Variants in MAGI1 observed in about 807,000 individuals in gnomAD.
MAGI1 encodes membrane-associated guanylate kinase, WW and PDZ domain-containing protein 1.
Under a neutral mutation model 139.9 loss-of-function variants are expected in MAGI1, and 58 were observed. That is an observed-to-expected ratio of 0.41 (90% confidence interval 0.34 to 0.52). The LOEUF is 0.52. MAGI1 is among the 20% of genes least tolerant of loss of function. The pLI, the probability that MAGI1 is intolerant of heterozygous loss-of-function variation, is 0.12. For synonymous variants in MAGI1, 812 were observed against 737.9 expected, an observed-to-expected ratio of 1.10 and a Z score of -1.63; for missense variants, 1,874 against 1,901.6, an observed-to-expected ratio of 0.99 and a Z score of 0.27.
intron 1 of MAGI1, among the ~76,000 whole-genome samples, chr3:65,829,837 A>T (rs2042431410): frequency 1.3e-5 from 2 of 152,190 alleles, no homozygotes; most frequent in African/African-American, 4.8e-5. Flanking sequence ...AGGAATCTCA[A>T]GTTTTTTTCC....
chr3:65,901,690 T>A (rs2061239701), intron 1 of MAGI1, among the ~76,000 whole-genome samples: 2 of 152,190 alleles, frequency 1.3e-5, no homozygotes, highest in African/African-American at 4.8e-5. Context: ...CTGTTCAAGT[T>A]ATATCGGGGC....
intron 1 of MAGI1, among the ~76,000 whole-genome samples, chr3:65,745,798 T>A (rs1227745219): frequency 3.3e-5 from 5 of 152,120 alleles, no homozygotes; most frequent in Non-Finnish European, 4.4e-5. Context: ...GGCACAATCT[T>A]GGCTCACTGC....
intron 1 of MAGI1, among the ~76,000 whole-genome samples, chr3:65,674,603 A>G (rs1184575685): frequency 1.3e-5 from 2 of 152,144 alleles, no homozygotes; most frequent in African/African-American, 4.8e-5. Context: ...CAGTTTCAAC[A>G]CTGCCTTTCC....
At chr3:65,987,231 T>C (rs971913594) in intron 1 of MAGI1, among the ~76,000 whole-genome samples, 1 of 152,150 alleles carries the variant, frequency 6.6e-6, no homozygotes, top group Non-Finnish European at 1.5e-5. Flanking sequence ...TTCACTCATG[T>C]GACTTTGGGA....
chr3:65,759,781 T>TA (rs1237825832), intron 1 of MAGI1, among the ~76,000 whole-genome samples: 2 of 152,162 alleles, frequency 1.3e-5, no homozygotes, highest in East Asian at 3.8e-4. Flanking sequence ...GTAAAACTGA[T>TA]AGAGTCTATA....
rs181055420 is a variant in MAGI1, at chr3:65,472,613, G to C, written c.758-2129C>G. Among the ~76,000 whole-genome samples, 36 of 152,302 alleles carry C rather than the reference G, an allele frequency of 2.4e-4. No homozygotes were observed. The East Asian group carries it at 6.0e-3, about 25-fold the overall frequency. Reference sequence around the variant, plus strand: ...GAATCACCAGGACCTCCAGCTCTTAGGACAGGTGTTGCCCTGCCGCCAATG... The same window carrying C: ...GAATCACCAGGACCTCCAGCTCTTACGACAGGTGTTGCCCTGCCGCCAATG... On this transcript the variant is annotated intron_variant, in intron 4 of 22. Coordinates refer to ENST00000402939, the MANE Select transcript of MAGI1 (RefSeq NM_001033057.2).
At chr3:65,509,002 G>A (rs956665595) in intron 2 of MAGI1, among the ~76,000 whole-genome samples, 1 of 152,250 alleles carries the variant, frequency 6.6e-6, no homozygotes, top group Non-Finnish European at 1.5e-5. Context: ...CTGGTGATAC[G>A]ATGCATGATC....
chr3:65,503,222 A>G (rs2077154336), intron 2 of MAGI1, among the ~76,000 whole-genome samples: 1 of 152,212 alleles, frequency 6.6e-6, no homozygotes, highest in East Asian at 1.9e-4. Context: ...AAGAGACTTG[A>G]CTGATTGTCA....
intron 1 of MAGI1, among the ~76,000 whole-genome samples, chr3:65,931,408 T>C (rs2062801821): frequency 1.3e-5 from 2 of 152,174 alleles, no homozygotes; most frequent in Non-Finnish European, 2.9e-5. Flanking sequence ...CCAAGAACCC[T>C]CTCTTGAGGT....
At chr3:65,472,956 A>T (rs1308902056) in intron 4 of MAGI1, among the ~76,000 whole-genome samples, 1 of 152,210 alleles carries the variant, frequency 6.6e-6, no homozygotes, top group Non-Finnish European at 1.5e-5. Context: ...ACACTATCCG[A>T]GTTTGAATCC....
intron 2 of MAGI1, among the ~76,000 whole-genome samples, chr3:65,582,430 C>A (rs946723903): frequency 2.0e-5 from 3 of 152,136 alleles, no homozygotes; most frequent in Non-Finnish European, 2.9e-5. Flanking sequence ...TATGCACAGG[C>A]CTTCCTCAAT....
intron 1 of MAGI1, among the ~76,000 whole-genome samples, chr3:65,654,639 T>C (rs1342626298): frequency 5.9e-5 from 9 of 152,150 alleles, no homozygotes; most frequent in Non-Finnish European, 7.3e-5. Flanking sequence ...TTTTTTTACA[T>C]TGAAGAATAT....
rs566511243 is a variant in MAGI1, at chr3:65,748,729, G to A, written c.314-126641C>T. ...ACATGTAATAAGAGAGATAAAGAAA[G>A]GATGCTATGGGCCCCCAAAAAGAAG... On this transcript the variant is annotated intron_variant, in intron 1 of 22. Transcript: ENST00000402939. 5.3e-5 allele frequency among the ~76,000 whole-genome samples: 8 copies of A among 152,272 alleles called. No individual in the cohort carries two copies. The South Asian group carries it at 1.7e-3, about 32-fold the overall frequency.
chr3:65,903,581 C>T (rs1465427878), intron 1 of MAGI1, among the ~76,000 whole-genome samples: 2 of 152,170 alleles, frequency 1.3e-5, no homozygotes, highest in East Asian at 1.9e-4. Context: ...ACACCTTCTC[C>T]AGAGATCAGT....
chr3:65,974,055 A>G (rs1424325551), intron 1 of MAGI1, among the ~76,000 whole-genome samples: 1 of 152,156 alleles, frequency 6.6e-6, no homozygotes, highest in Non-Finnish European at 1.5e-5. Flanking sequence ...AGCATGAAGA[A>G]TATTAAAAAA....
intron 2 of MAGI1, among the ~76,000 whole-genome samples, chr3:65,577,214 C>G (rs2081216346): frequency 6.6e-6 from 1 of 152,068 alleles, no homozygotes; most frequent in Admixed American, 6.5e-5. Flanking sequence ...ACAAATGAAT[C>G]ATAATCCTGG....
At chr3:65,798,436 T>G (rs531766710) in intron 1 of MAGI1, among the ~76,000 whole-genome samples, 11 of 152,246 alleles carry the variant, frequency 7.2e-5, no homozygotes, top group African/African-American at 2.6e-4. Context: ...GCAGACATCA[T>G]TCTGAAAGGC....
intron 1 of MAGI1, among the ~76,000 whole-genome samples, chr3:65,861,828 A>C (rs1012795634): frequency 1.3e-5 from 2 of 152,112 alleles, no homozygotes; most frequent in African/African-American, 2.4e-5. Flanking sequence ...TTCTTGAAAA[A>C]CCAACACAGA....
Position 65,356,650 on chromosome 3 carries a change from A to C in MAGI1, c.4117T>G (p.Ser1373Ala), listed in dbSNP as rs1575587942. Residue 1373 changes from serine to alanine, a missense_variant, in exon 23 of 23, where the codon TCT becomes GCT. Transcript: ENST00000402939. ...CTCTGCTCCAGGAGTCTCTCCAGAG[A>C]CCGTCTCCGCCGGCTGGGGGAGCCG... is the stretch of plus-strand genomic sequence containing the variant. ...RDGSPSRRRR[S>A]LERLLEQRRS... 1.3e-6 allele frequency: 2 copies of C among 1,582,960 alleles called. No homozygotes were observed. Among genetic ancestry groups the C allele is most frequent in the East Asian group, 2.3e-5 (1 of 44,430 alleles).
Sources: gnomAD v4.1 joint callset for allele counts (sites outside exome capture counted in the v4.1 genomes callset) on GRCh38, gnomAD v4.1.1 for gene constraint, MANE v1.5 for transcripts, NCBI Gene and HGNC (gene_info 2026-07-23, HGNC 2026-07-21) for gene names.